The following PRKCD variants were observed in gnomAD, a reference collection of about 807,000 sequenced individuals.
PRKCD encodes the protein protein kinase C delta type.
In PRKCD, 20 loss-of-function variants were observed where a neutral mutation model predicts 82.2. The ratio of observed to expected loss-of-function variants is 0.24; its 90% CI spans 0.17 to 0.35. The LOEUF (loss-of-function observed/expected upper bound fraction) is 0.35, where lower values mean the gene tolerates loss of function less well. PRKCD is among the 10% of genes least tolerant of loss of function. PRKCD has a pLI of 1.00. For synonymous variants in PRKCD, 317 were observed against 337.0 expected, an observed-to-expected ratio of 0.94 and a Z score of 0.65; for missense variants, 607 against 899.0, an observed-to-expected ratio of 0.68 and a Z score of 4.15.
intron 9 of PRKCD, among the ~76,000 whole-genome samples, chr3:53,184,537 T>C (rs1703598607): frequency 6.6e-6 from 1 of 151,686 alleles, no homozygotes; most frequent in Non-Finnish European, 1.5e-5. Flanking sequence ...TAGCCGGATA[T>C]GGTGGCGCAT....
chr3:53,173,972 T>C (rs1369487566), intron 2 of PRKCD, among the ~76,000 whole-genome samples: 5 of 152,188 alleles, frequency 3.3e-5, no homozygotes, highest in African/African-American at 1.2e-4. Context: ...TCTCTTTGTC[T>C]CTTCTTCCCA....
rs188517097 is a variant in PRKCD at position 53,164,538 on chromosome 3, G to A, written c.-131-566G>A. Among the ~76,000 whole-genome samples the A allele has an allele frequency of 4.7e-3, 712 of 151,916 alleles. 41 individuals carry two copies. In the South Asian group the frequency reaches 0.11, roughly 24 times the overall value. On this transcript the variant is annotated intron_variant, in intron 1 of 18. Transcript: ENST00000330452. Reference sequence around the variant, plus strand: ...GCAGAGGTTGCAGTGAGCCAAGATCGTGCCATTGCACTCCAGCCTGGGCGA... The same window carrying A: ...GCAGAGGTTGCAGTGAGCCAAGATCATGCCATTGCACTCCAGCCTGGGCGA...
chr3:53,162,269 TCG>T (rs1491543909), intron 1 of PRKCD, among the ~76,000 whole-genome samples: 1 of 138,736 alleles, frequency 7.2e-6, no homozygotes, highest in Non-Finnish European at 1.5e-5. Flanking sequence ...GGGGAGGAGG[TCG>T]GGGGGGGGGG....
intron 15 of PRKCD, among the ~76,000 whole-genome samples, chr3:53,188,003 AT>A (rs1553669680): frequency 1.3e-5 from 2 of 152,048 alleles, no homozygotes; most frequent in African/African-American, 4.8e-5. Context: ...CCTGACCAAC[AT>A]GGTGAAACCC....
chr3:53,168,050 GC>G (rs1702890520), intron 2 of PRKCD, among the ~76,000 whole-genome samples: 1 of 152,268 alleles, frequency 6.6e-6, no homozygotes, highest in Admixed American at 6.5e-5. Context: ...GCTGCCTGCT[GC>G]CCCCTCAGGG....
At chr3:53,186,463 C>A (rs1056590576) in intron 13 of PRKCD, 123 bp downstream of exon 13, 1 of 1,398,954 alleles carries the variant, frequency 7.1e-7, no homozygotes, top group African/African-American at 1.4e-5. Flanking sequence ...GCTTTCCCCC[C>A]TCATGCCTCC....
intron 3 of PRKCD, chr3:53,179,319 A>G (rs1703333391): frequency 1.7e-6 from 1 of 575,290 alleles, no homozygotes; most frequent in Non-Finnish European, 3.2e-6. Context: ...CCCTGCATGA[A>G]TGCATAAGGG....
At chr3:53,174,614 T>A (rs1251510448) in intron 2 of PRKCD, among the ~76,000 whole-genome samples, 1 of 152,196 alleles carries the variant, frequency 6.6e-6, no homozygotes, top group Non-Finnish European at 1.5e-5. Context: ...GAGCAGGGAC[T>A]TGTGGCTCAG....
chr3:53,186,745 T>A (rs782803250), intron 14 of PRKCD, 50 bp downstream of exon 14: 1 of 1,487,624 alleles, frequency 6.7e-7, no homozygotes, highest in Admixed American at 1.8e-5. Flanking sequence ...GAAGGGCTAC[T>A]GGCTCAGAGC....
At chr3:53,176,914 T>C (rs1210795081) in intron 2 of PRKCD, among the ~76,000 whole-genome samples, 1 of 152,178 alleles carries the variant, frequency 6.6e-6, no homozygotes, top group African/African-American at 2.4e-5. Flanking sequence ...CTGCAACCTC[T>C]GCCTCCCAGG....
At chr3:53,179,820 CTGTG>C (rs782124015) in intron 4 of PRKCD, 44 bp downstream of exon 4, 4 of 439,268 alleles carry the variant, frequency 9.1e-6, no homozygotes, top group African/African-American at 2.1e-5. Context: ...GTGTGTGTGT[CTGTG>C]TGTGTGTGCA....
At chr3:53,168,987 C>T (rs961383760) in intron 2 of PRKCD, among the ~76,000 whole-genome samples, 6 of 151,844 alleles carry the variant, frequency 4.0e-5, no homozygotes, top group Non-Finnish European at 8.8e-5. Flanking sequence ...GGGGGACTGT[C>T]GGGCCGGGGT....
chr3:53,181,173 A>T, intron 4 of PRKCD, 34 bp from the exon 5 acceptor site: 1 of 1,608,656 alleles, frequency 6.2e-7, no homozygotes, highest in Non-Finnish European at 8.5e-7. Flanking sequence ...GCCCTCACTG[A>T]CCTTGTTCTC....
rs782640117 is a variant in PRKCD, at chr3:53,192,033, C to G, written c.1873-75C>G. On this transcript the variant is annotated intron_variant, in intron 18 of 18. Coordinates refer to ENST00000330452, the MANE Select transcript of PRKCD (RefSeq NM_006254.4). ...ACAGCTCTGGCCTGGCCCAGCCCTG[C>G]AGGGACTCCAGCCTGGGGTGTCTGG... 2.0e-6 allele frequency: 3 copies of G among 1,520,212 alleles called. No homozygotes were observed. The African/African-American group carries it at 4.1e-5, about 21-fold the overall frequency. The allele number at this position is 1,520,212 out of a possible 1,614,324, so 94.2% of individuals were successfully genotyped here.
At chr3:53,174,073 A>G (rs782480726) in intron 2 of PRKCD, among the ~76,000 whole-genome samples, 1 of 152,240 alleles carries the variant, frequency 6.6e-6, no homozygotes, top group Non-Finnish European at 1.5e-5. Context: ...CCTTTTGGAA[A>G]GTCACTTTGC....
intron 3 of PRKCD, among the ~76,000 whole-genome samples, chr3:53,178,953 C>A (rs1703321336): frequency 6.6e-6 from 1 of 152,212 alleles, no homozygotes; most frequent in African/African-American, 2.4e-5. Flanking sequence ...AGAGAAGGCA[C>A]CCTCTGAACC....
chr3:53,162,356 CTT>C (rs1318765182), intron 1 of PRKCD, among the ~76,000 whole-genome samples: 1 of 152,250 alleles, frequency 6.6e-6, no homozygotes, highest in Non-Finnish European at 1.5e-5. Flanking sequence ...TTCCCTCTCT[CTT>C]GGGGCAGGGG....
intron 7 of PRKCD, 53 bp from the exon 8 acceptor site, chr3:53,183,068 T>A (rs1432737115): frequency 6.3e-7 from 1 of 1,582,548 alleles, no homozygotes; most frequent in African/African-American, 1.3e-5. Context: ...GCTCATAGAC[T>A]CTGCCCCTCC....
At position 53,184,887 on chromosome 3, in the gene PRKCD, T is replaced by C; in HGVS notation, c.801T>C (p.Asn267=). The change falls in exon 10 of 19, where the codon AAT becomes AAC. Residue 267 remains asparagine (N), a synonymous_variant. Coordinates refer to ENST00000330452, the MANE Select transcript of PRKCD (RefSeq NM_006254.4). ...QGLKCEDCGM[N]VHHKCREKVA... ...CCCTCACCCCAGACTGCGGCATGAA[T>C]GTGCACCATAAATGCCGGGAGAAGG... is the stretch of plus-strand genomic sequence containing the variant. The C allele has an allele frequency of 1.9e-6, 3 of 1,613,880 alleles. No individual in the cohort carries two copies. The highest frequency in any genetic ancestry group is 1.3e-5 in the African/African-American group (1 of 75,020).
Sources: gnomAD v4.1 joint callset for allele counts (sites outside exome capture counted in the v4.1 genomes callset) on GRCh38, gnomAD v4.1.1 for gene constraint, MANE v1.5 for transcripts, NCBI Gene and HGNC (gene_info 2026-07-23, HGNC 2026-07-21) for gene names.